Variants in EEF2K observed in about 807,000 individuals in gnomAD.
EEF2K encodes eukaryotic elongation factor 2 kinase.
In EEF2K, 70 loss-of-function variants were observed where a neutral mutation model predicts 93.8. That is an observed-to-expected ratio of 0.75 (90% CI 0.62 to 0.91). The LOEUF is 0.91. Among genes scored for constraint, EEF2K ranks in the 40% least tolerant of loss-of-function variants. The pLI is 0.00. For missense variants in EEF2K, 935 were observed against 972.9 expected, an observed-to-expected ratio of 0.96 and a Z score of 0.52; for synonymous variants, 376 against 380.8, an observed-to-expected ratio of 0.99 and a Z score of 0.15.
Position 22,236,267 on chromosome 16 carries a change from C to A in EEF2K, c.247-8363C>A, listed in dbSNP as rs540592888. On this transcript the variant is annotated intron_variant, in intron 2 of 17. Coordinates refer to ENST00000263026, the MANE Select transcript of EEF2K (RefSeq NM_013302.5). The stretch of plus-strand genomic sequence containing the variant: ...TTCTTCCCGCTTCTTTTATTTGAGC[C>A]CTTGAGTTTGGTTAAGCCCATTACT... Among the ~76,000 whole-genome samples, 19 of 152,134 alleles carry A rather than the reference C, an allele frequency of 1.2e-4. No homozygotes were observed. In the South Asian group the frequency reaches 3.7e-3, roughly 30 times the overall value.
In EEF2K at chr16:22,286,637, G is replaced by T. The variant is rs1302199609; in HGVS notation, c.*2641G>T. 6.6e-6 allele frequency: 1 copy of T among 152,196 alleles called. No homozygotes were observed. The highest frequency in any genetic ancestry group is 1.5e-5 in the Non-Finnish European group (1 of 68,038). 9.4% of individuals were successfully genotyped at this position (152,196 alleles called of 1,614,324 possible). ...AATAAAACTTTATTTACACAAACGG[G>T]TGGCCCTTTTGGGCTGTAGTTTGTC... On this transcript the variant is annotated 3_prime_UTR_variant, in exon 18 of 18. Transcript: ENST00000263026.
intron 1 of EEF2K, among the ~76,000 whole-genome samples, chr16:22,209,596 C>G (rs561566310): frequency 1.3e-5 from 2 of 152,176 alleles, no homozygotes; most frequent in Non-Finnish European, 2.9e-5. Flanking sequence ...TTAAAAGAAT[C>G]AGTGTTTTTT....
intron 2 of EEF2K, among the ~76,000 whole-genome samples, chr16:22,239,218 C>CT (rs1175484451): frequency 2.0e-5 from 3 of 152,210 alleles, no homozygotes; most frequent in Non-Finnish European, 4.4e-5. Context: ...TTCTGCAGTA[C>CT]TTTCCTCCCT....
At chr16:22,275,840 C>T (rs1393617601) in intron 16 of EEF2K, among the ~76,000 whole-genome samples, 3 of 151,904 alleles carry the variant, frequency 2.0e-5, no homozygotes, top group Non-Finnish European at 4.4e-5. Context: ...AGGGTTTCAC[C>T]ATGTTGGCCA....
intron 9 of EEF2K, 70 bp from the exon 10 acceptor site, chr16:22,258,424 A>G: frequency 6.6e-7 from 1 of 1,526,104 alleles, no homozygotes; most frequent in South Asian, 1.2e-5. Context: ...GTTAGAGGGA[A>G]CAACAGGAAG....
At chr16:22,211,472 G>A (rs763780190) in intron 1 of EEF2K, among the ~76,000 whole-genome samples, 1 of 152,060 alleles carries the variant, frequency 6.6e-6, no homozygotes, top group African/African-American at 2.4e-5. Flanking sequence ...GAGGTCTGGG[G>A]GCGGGGGGAT....
chr16:22,260,162 C>A (rs1025138104), intron 10 of EEF2K, among the ~76,000 whole-genome samples: 1 of 152,176 alleles, frequency 6.6e-6, no homozygotes, highest in Non-Finnish European at 1.5e-5. Flanking sequence ...TGGCCAGGCA[C>A]ATATGCTAAT....
At chr16:22,225,239 CGGA>C (rs2047051171) in intron 1 of EEF2K, among the ~76,000 whole-genome samples, 3 of 152,032 alleles carry the variant, frequency 2.0e-5, no homozygotes, top group Admixed American at 1.3e-4. Flanking sequence ...CAGCCAGGGC[CGGA>C]GGAGAAGTGG....
In EEF2K at chr16:22,284,080, T is replaced by TG; in HGVS notation, c.*88dup. 8.2e-7 allele frequency: 1 copy of TG among 1,221,366 alleles called. No individual in the cohort carries two copies. The highest frequency in any genetic ancestry group is 1.2e-6 in the Non-Finnish European group (1 of 868,866). The allele number at this position is 1,221,366 out of a possible 1,614,324, so 75.7% of individuals were successfully genotyped here. On this transcript the variant is annotated 3_prime_UTR_variant, in exon 18 of 18. Transcript: ENST00000263026. ...AACAACAACAACAACTTATTTAGTT[T>TG]GGGGAGGGGAAGCATTTTTAAGTGT...
chr16:22,216,972 G>C (rs1176144948), intron 1 of EEF2K, among the ~76,000 whole-genome samples: 1 of 151,722 alleles, frequency 6.6e-6, no homozygotes, highest in African/African-American at 2.4e-5. Context: ...GACCAGCTGG[G>C]CACATGGTGA....
chr16:22,244,662 G>C lies in EEF2K; in HGVS notation c.279G>C (p.Lys93Asn). 1.9e-6 allele frequency: 3 copies of C among 1,614,054 alleles called. No individual in the cohort carries two copies. Among genetic ancestry groups the C allele is most frequent in the Non-Finnish European group, 2.5e-6 (3 of 1,179,968 alleles). The change falls in exon 3 of 18, where the codon AAG becomes AAC. Residue 93 changes from lysine to asparagine, a missense_variant. Physicochemically the swap from Lys to Asn is moderately conservative, Grantham distance 94. Coordinates refer to ENST00000263026, the MANE Select transcript of EEF2K (RefSeq NM_013302.5). ...EAWKHAIQKA[K>N]HMPDPWAEFH... is the part of the protein sequence containing the mutation. ...GGAAGCACGCAATCCAGAAGGCCAA[G>C]CACATGCCCGACCCCTGGGCTGAGT...
intron 17 of EEF2K, 36 bp downstream of exon 17, chr16:22,280,412 G>A: frequency 1.4e-6 from 2 of 1,425,726 alleles, no homozygotes; most frequent in Non-Finnish European, 1.8e-6. Context: ...GGCTGCAACA[G>A]GGCTGGGCAG....
At chr16:22,271,662 G>A (rs561797730) in intron 15 of EEF2K, among the ~76,000 whole-genome samples, 40 of 151,642 alleles carry the variant, frequency 2.6e-4, no homozygotes, top group Admixed American at 5.3e-4. Context: ...CTATGATGGA[G>A]CCACTGCACT....
chr16:22,241,031 G>A (rs780855703), intron 2 of EEF2K, among the ~76,000 whole-genome samples: 9 of 152,010 alleles, frequency 5.9e-5, no homozygotes, highest in Non-Finnish European at 8.8e-5. Context: ...GCCTCCCAAA[G>A]TGCTGGGATT....
chr16:22,238,299 CG>C (rs958788409), intron 2 of EEF2K, among the ~76,000 whole-genome samples: 2 of 151,936 alleles, frequency 1.3e-5, no homozygotes, highest in East Asian at 3.9e-4. Flanking sequence ...ACTCCCTGCC[CG>C]GGGGGAATAC....
chr16:22,260,505 C>A lies in EEF2K; in HGVS notation c.1275C>A (p.Asp425Glu), dbSNP rs147488019. 2.8e-5 allele frequency: 46 copies of A among 1,614,114 alleles called. No homozygotes were observed. In the African/African-American group the frequency reaches 5.3e-4, roughly 19 times the overall value. ...FSDLDNMASRDHDHLDNHRES... is the reference protein window; with the variant it reads ...FSDLDNMASREHDHLDNHRES... ...ACCTCGATAACATGGCATCCAGAGACCATGATCATCTAGACAACCACCGGG... is the reference window on the plus strand; with the variant it reads ...ACCTCGATAACATGGCATCCAGAGAACATGATCATCTAGACAACCACCGGG... The change falls in exon 11 of 18, where the codon GAC (aspartate) becomes GAA (glutamate). Residue 425 changes from aspartate (D) to glutamate (E), a missense_variant. Coordinates refer to ENST00000263026, the MANE Select transcript of EEF2K (RefSeq NM_013302.5).
intron 16 of EEF2K, among the ~76,000 whole-genome samples, chr16:22,275,358 T>A (rs1270876606): frequency 6.6e-6 from 1 of 151,968 alleles, no homozygotes; most frequent in Non-Finnish European, 1.5e-5. Flanking sequence ...TTTATTTATT[T>A]TTGAGATGGA....
chr16:22,251,743 G>C (rs2047354368), intron 6 of EEF2K, among the ~76,000 whole-genome samples: 1 of 151,506 alleles, frequency 6.6e-6, no homozygotes, highest in Admixed American at 6.6e-5. Context: ...CTTCTTAATA[G>C]TAGCTAATAA....
intron 1 of EEF2K, among the ~76,000 whole-genome samples, chr16:22,223,001 C>A (rs964717153): frequency 6.6e-6 from 1 of 152,098 alleles, no homozygotes; most frequent in African/African-American, 2.4e-5. Flanking sequence ...TTCCCCATTT[C>A]CCCCAACCAT....
Sources: gnomAD v4.1 joint callset for allele counts (sites outside exome capture counted in the v4.1 genomes callset) on GRCh38, gnomAD v4.1.1 for gene constraint, MANE v1.5 for transcripts, NCBI Gene and HGNC (gene_info 2026-07-23, HGNC 2026-07-21) for gene names.